ARHGEF33: variants seen among roughly 807,000 people sequenced by gnomAD.
ARHGEF33 encodes Rho guanine nucleotide exchange factor 33.
Under a neutral mutation model 101.9 loss-of-function variants are expected in ARHGEF33, and 72 were observed. The ratio of observed to expected loss-of-function variants is 0.71; its 90% confidence interval spans 0.58 to 0.86. ARHGEF33 has a LOEUF of 0.86. Among genes scored for constraint, ARHGEF33 ranks in the 40% least tolerant of loss-of-function variants. The pLI is 0.00. For missense variants in ARHGEF33, 1,169 were observed against 1,111.3 expected, an observed-to-expected ratio of 1.05 and a Z score of -0.74; for synonymous variants, 499 against 442.5, an observed-to-expected ratio of 1.13 and a Z score of -1.60.
intron 6 of ARHGEF33, 64 bp from the exon 7 acceptor site, chr2:38,931,045 A>G (rs1474447571): frequency 2.4e-6 from 3 of 1,271,822 alleles, no homozygotes; most frequent in Admixed American, 2.9e-5. Context: ...TCTGAACTGA[A>G]TCTCCTCATA....
chr2:38,902,673 A>G (rs950400686), intron 2 of ARHGEF33, among the ~76,000 whole-genome samples: 8 of 152,104 alleles, frequency 5.3e-5, no homozygotes, highest in Non-Finnish European at 1.2e-4. Context: ...TTATTCATTT[A>G]TTCGGCACCT....
At chr2:38,955,915 C>T (rs1240597485) in intron 13 of ARHGEF33, among the ~76,000 whole-genome samples, 6 of 151,964 alleles carry the variant, frequency 3.9e-5, no homozygotes, top group African/African-American at 1.5e-4. Context: ...GGTGATCTGC[C>T]CGCCTCACCT....
chr2:38,914,141 G>A (rs1666576627), intron 2 of ARHGEF33, among the ~76,000 whole-genome samples: 1 of 152,206 alleles, frequency 6.6e-6, no homozygotes, highest in African/African-American at 2.4e-5. Context: ...TTCAGGCAAT[G>A]AATATTCCTG....
intron 2 of ARHGEF33, among the ~76,000 whole-genome samples, chr2:38,916,557 C>A (rs1666638686): frequency 6.6e-6 from 1 of 152,142 alleles, no homozygotes; most frequent in Admixed American, 6.6e-5. Context: ...AGGAAAGATG[C>A]CCTAGCTTGA....
Position 38,937,341 on chromosome 2 carries a change from A to G in ARHGEF33, c.572A>G (p.Asn191Ser). The G allele has an allele frequency of 3.8e-6, 3 of 782,302 alleles. No individual in the cohort carries two copies. The highest frequency in any genetic ancestry group is 5.8e-6 in the Non-Finnish European group (3 of 519,912). The allele number at this position is 782,302 out of a possible 1,614,324, so 48.5% of individuals were successfully genotyped here. ...CCTCCCCCCACCCCACCAGGAGTGA[A>G]CCCAACAACTCCAGAAGCAGAAGAA... ...NVKGMMGPGV[N>S]PTTPEAEENL... The change falls in exon 9 of 18, where the codon AAC becomes AGC. Residue 191 changes from asparagine to serine, a missense_variant. By Grantham distance (46) the Asn-to-Ser change is conservative (BLOSUM62 1). Coordinates refer to ENST00000409978, the MANE Select transcript of ARHGEF33 (RefSeq NM_001145451.5).
At chr2:38,898,017 C>G (rs1666159563) in intron 2 of ARHGEF33, among the ~76,000 whole-genome samples, 1 of 152,140 alleles carries the variant, frequency 6.6e-6, no homozygotes, top group Admixed American at 6.5e-5. Context: ...TGGGTTAGGA[C>G]ATTTGAACTT....
At chr2:38,953,670 A>C (rs1002260145) in intron 12 of ARHGEF33, among the ~76,000 whole-genome samples, 3 of 152,206 alleles carry the variant, frequency 2.0e-5, no homozygotes, top group Non-Finnish European at 4.4e-5. Flanking sequence ...CTGCAATGAT[A>C]CATTAGGTGC....
intron 17 of ARHGEF33, among the ~76,000 whole-genome samples, chr2:38,967,515 G>C (rs973124232): frequency 2.6e-5 from 4 of 152,192 alleles, no homozygotes; most frequent in Non-Finnish European, 5.9e-5. Context: ...GCCAACATCT[G>C]TCAAGTTGAC....
intron 10 of ARHGEF33, 38 bp downstream of exon 10, chr2:38,944,068 T>C: frequency 6.5e-7 from 1 of 1,527,492 alleles, no homozygotes; most frequent in African/African-American, 1.4e-5. Flanking sequence ...TTCAGATTGA[T>C]TAGGATTTAA....
chr2:38,908,156 G>A (rs184092915), intron 2 of ARHGEF33, among the ~76,000 whole-genome samples: 205 of 152,260 alleles, frequency 1.3e-3, no homozygotes, highest in African/African-American at 4.7e-3. Flanking sequence ...TTGAGCCACC[G>A]TGCCTGGCCT....
intron 2 of ARHGEF33, among the ~76,000 whole-genome samples, chr2:38,904,392 T>A (rs1666339943): frequency 6.7e-6 from 1 of 150,266 alleles, no homozygotes; most frequent in Non-Finnish European, 1.5e-5. Flanking sequence ...GACTTTGAGA[T>A]CTCGATTTTA....
At chr2:38,929,658 A>T (rs932178351) in intron 5 of ARHGEF33, 51 bp from the exon 6 acceptor site, 4 of 1,483,378 alleles carry the variant, frequency 2.7e-6, no homozygotes, top group Admixed American at 4.3e-5. Flanking sequence ...ATTATGTTAT[A>T]TACTTTTACC....
intron 2 of ARHGEF33, among the ~76,000 whole-genome samples, chr2:38,903,680 G>A (rs1666300391): frequency 1.3e-5 from 2 of 152,116 alleles, no homozygotes; most frequent in Non-Finnish European, 2.9e-5. Flanking sequence ...ATATAACAAG[G>A]ACTAAGCTAT....
In ARHGEF33 at chr2:38,943,951, G is replaced by T; in HGVS notation, c.841G>T (p.Val281Phe). ...ACTGCTTGAATCTGAAAGAAAATAT[G>T]TCATTAACATCTCTCTGATCTTGAA... ...LELLESERKY[V>F]INISLILKIK... is the part of the protein sequence containing the mutation. Residue 281 changes from valine to phenylalanine, a missense_variant, in exon 10 of 18, where the codon GTC becomes TTC. By Grantham distance (50) the Val-to-Phe change is conservative (BLOSUM62 -1). Transcript: ENST00000409978. 3.2e-6 allele frequency: 5 copies of T among 1,551,718 alleles called. No homozygotes were observed. Among genetic ancestry groups the T allele is most frequent in the Non-Finnish European group, 4.4e-6 (5 of 1,146,912 alleles).
At chr2:38,921,053 A>C (rs939389330) in intron 3 of ARHGEF33, among the ~76,000 whole-genome samples, 1 of 152,182 alleles carries the variant, frequency 6.6e-6, no homozygotes, top group African/African-American at 2.4e-5. Flanking sequence ...CAAGAACATA[A>C]GGGAGACACT....
chr2:38,890,205 A>T (rs545929507), intron 1 of ARHGEF33, among the ~76,000 whole-genome samples: 11 of 152,324 alleles, frequency 7.2e-5, no homozygotes, highest in African/African-American at 2.4e-4. Context: ...ATTATGTCTT[A>T]ACTGCGCTTT....
At chr2:38,963,886 T>G (rs1572781833) in intron 16 of ARHGEF33, among the ~76,000 whole-genome samples, 2 of 152,272 alleles carry the variant, frequency 1.3e-5, no homozygotes, top group South Asian at 4.1e-4. Flanking sequence ...GAAAGGCAAT[T>G]TTTCCACAGA....
At chr2:38,972,389 A>T (rs899843159) in intron 17 of ARHGEF33, among the ~76,000 whole-genome samples, 1 of 152,158 alleles carries the variant, frequency 6.6e-6, no homozygotes, top group Non-Finnish European at 1.5e-5. Context: ...TCCCACCCAG[A>T]TATCTTGCTT....
intron 7 of ARHGEF33, among the ~76,000 whole-genome samples, chr2:38,933,739 T>C (rs960885573): frequency 3.3e-5 from 5 of 152,212 alleles, no homozygotes; most frequent in Non-Finnish European, 7.3e-5. Context: ...TTCTATTCAT[T>C]AGAGACTAAT....
Sources: allele counts gnomAD v4.1 joint callset (sites outside exome capture counted in the v4.1 genomes callset), GRCh38; gene constraint gnomAD v4.1.1; transcripts MANE v1.5; gene names NCBI Gene and HGNC (gene_info 2026-07-23, HGNC 2026-07-21).